The following TBX5 variants were observed in gnomAD, a reference collection of about 807,000 sequenced individuals.
The protein encoded by TBX5 is T-box transcription factor TBX5.
Under a neutral mutation model 51.1 loss-of-function variants are expected in TBX5, and 8 were observed. That is an observed-to-expected ratio of 0.16 (90% confidence interval 0.09 to 0.28). The LOEUF is 0.28. Ranked by LOEUF, TBX5 falls within the 10% of genes least tolerant of loss-of-function variation. The pLI is 1.00. For synonymous variants in TBX5, 302 were observed against 266.4 expected (o/e 1.13, Z -1.30); for missense variants, 589 against 671.7 (o/e 0.88, Z 1.36).
At chr12:114,378,686 G>T (rs1439048739) in intron 7 of TBX5, among the ~76,000 whole-genome samples, 1 of 152,042 alleles carries the variant, frequency 6.6e-6, no homozygotes, top group Admixed American at 6.5e-5. Context: ...GCCCAGGCTG[G>T]AGTGCAGTGG....
intron 8 of TBX5, among the ~76,000 whole-genome samples, chr12:114,361,130 A>G (rs532413586): frequency 5.9e-5 from 9 of 152,208 alleles, no homozygotes; most frequent in Non-Finnish European, 1.2e-4. Flanking sequence ...TCTGCCAATC[A>G]TCAGCCACAT....
chr12:114,393,538 G>A (rs1429560491), intron 6 of TBX5, among the ~76,000 whole-genome samples: 1 of 152,104 alleles, frequency 6.6e-6, no homozygotes, highest in African/African-American at 2.4e-5. Flanking sequence ...ATGCACTCGG[G>A]TATCTAAGGA....
At position 114,405,900 on chromosome 12, in the gene TBX5, C is replaced by G. The variant is rs1203100358; in HGVS notation, c.-311G>C. ...GCGCCAAAGAACACAAAATAGCCTC[C>G]AAGAGCACCGGCAACCATATAATCT... On this transcript the variant is annotated 5_prime_UTR_variant, in exon 1 of 9. Transcript: ENST00000405440. 1 of 985,484 alleles carries G rather than the reference C, an allele frequency of 1.0e-6. No individual in the cohort carries two copies. The highest frequency in any genetic ancestry group is 1.2e-6 in the Non-Finnish European group (1 of 830,070). 61.0% of individuals were successfully genotyped at this position (985,484 alleles called of 1,614,324 possible).
Position 114,396,145 on chromosome 12 carries a change from C to T in TBX5, c.511-1252G>A, listed in dbSNP as rs1871406305. ...GTGGAGGTAGTTGGGGGAGGCGAGC[C>T]GCGGCCGGGGGCGGGGGAGGGACGA... is the stretch of plus-strand genomic sequence containing the variant. On this transcript the variant is annotated intron_variant, in intron 5 of 8. Transcript: ENST00000405440. Among the ~76,000 whole-genome samples the T allele has an allele frequency of 2.0e-5, 3 of 151,768 alleles. No individual in the cohort carries two copies. In the South Asian group the frequency reaches 6.3e-4, roughly 32 times the overall value.
rs1320507512 is a variant in TBX5 at position 114,399,504 on chromosome 12, A to G, written c.362+9T>C. The stretch of plus-strand genomic sequence containing the variant: ...CTCTCCCCGCTCCACCTGCCACCCC[A>G]GTGCCTACCATTTATTATCTGCGAA... On this transcript the variant is annotated intron_variant, in intron 4 of 8. Coordinates refer to ENST00000405440, the MANE Select transcript of TBX5 (RefSeq NM_181486.4). 9.3e-6 allele frequency: 15 copies of G among 1,613,820 alleles called. No individual in the cohort carries two copies. The highest frequency in any genetic ancestry group is 1.3e-5 in the African/African-American group (1 of 74,960).
upstream of TBX5, chr12:114,408,272 C>G: frequency 1.1e-6 from 1 of 943,016 alleles, no homozygotes; most frequent in Non-Finnish European, 1.3e-6. Flanking sequence ...CCGGCTTTCT[C>G]CGGAGGAATG....
chr12:114,370,741 CT>C (rs34872296), intron 7 of TBX5, among the ~76,000 whole-genome samples: 105,052 of 151,330 alleles, frequency 0.69, 36,869 homozygotes, highest in East Asian at 0.78. Flanking sequence ...CTCATTTAAC[CT>C]TTTTTTTTCC....
intron 8 of TBX5, among the ~76,000 whole-genome samples, chr12:114,356,998 GGATGGAT>G (rs1868956913): frequency 1.3e-5 from 1 of 77,722 alleles, no homozygotes; most frequent in Non-Finnish European, 3.4e-5. Context: ...TACGATGGAT[GGATGGAT>G]GGATGGATGG....
chr12:114,382,319 A>G (rs1320490747), intron 7 of TBX5, among the ~76,000 whole-genome samples: 1 of 152,138 alleles, frequency 6.6e-6, no homozygotes, highest in Non-Finnish European at 1.5e-5. Context: ...GTCTCAATCA[A>G]TCAATCAATC....
In TBX5 at chr12:114,398,651, G is replaced by A. The variant is rs146038442; in HGVS notation, c.432C>T (p.Thr144=). 10 of 1,613,208 alleles carry A rather than the reference G, an allele frequency of 6.2e-6. No homozygotes were observed. The South Asian group carries it at 8.8e-5, about 14-fold the overall frequency. ...CGAGCTGCCTCATCCAATGCGCCCC[G>A]GTGGCGGGGGAGTCTGGGTGCACGT... ...RLYVHPDSPA[T]GAHWMRQLVS... is the part of the protein sequence containing the mutation. Residue 144 remains threonine (T), a synonymous_variant, in exon 5 of 9, where the codon ACC becomes ACT. Coordinates refer to ENST00000405440, the MANE Select transcript of TBX5 (RefSeq NM_181486.4).
At chr12:114,363,436 C>T (rs190049737) in intron 8 of TBX5, among the ~76,000 whole-genome samples, 1 of 152,322 alleles carries the variant, frequency 6.6e-6, no homozygotes, top group Admixed American at 6.5e-5. Flanking sequence ...AAGGATGCTG[C>T]TGTAAATATT....
At chr12:114,359,065 C>T (rs1384385220) in intron 8 of TBX5, among the ~76,000 whole-genome samples, 1 of 152,144 alleles carries the variant, frequency 6.6e-6, no homozygotes, top group Non-Finnish European at 1.5e-5. Context: ...AGTTTCTGAT[C>T]CCCTTCCAGA....
intron 7 of TBX5, among the ~76,000 whole-genome samples, chr12:114,371,664 TG>T (rs34942639): frequency 0.13 from 18,819 of 149,572 alleles, 1,374 homozygotes; most frequent in East Asian, 0.35. Context: ...AGCAGTGCAC[TG>T]GGGCAAGGCG....
At chr12:114,384,535 C>T (rs1204031986) in intron 7 of TBX5, among the ~76,000 whole-genome samples, 1 of 152,102 alleles carries the variant, frequency 6.6e-6, no homozygotes, top group Non-Finnish European at 1.5e-5. Context: ...AATATTAAAA[C>T]CACAGATTTA....
chr12:114,377,839 G>A (rs925491414), intron 7 of TBX5, among the ~76,000 whole-genome samples: 1 of 151,924 alleles, frequency 6.6e-6, no homozygotes, highest in Non-Finnish European at 1.5e-5. Flanking sequence ...AAGGTAGAGA[G>A]GGTAAAAATA....
chr12:114,359,213 T>C (rs1023933358), intron 8 of TBX5, among the ~76,000 whole-genome samples: 5 of 152,194 alleles, frequency 3.3e-5, no homozygotes, highest in African/African-American at 4.8e-5. Context: ...TCTTGGCTTA[T>C]TGATGAAAGC....
upstream of TBX5, chr12:114,407,925 G>T (rs1293734752): frequency 1.0e-6 from 1 of 985,290 alleles, no homozygotes; most frequent in Non-Finnish European, 1.2e-6. Context: ...ACCTCTTTAG[G>T]CCAGGTCTTC....
intron 6 of TBX5, among the ~76,000 whole-genome samples, chr12:114,386,623 T>C (rs1372623063): frequency 6.6e-6 from 1 of 152,222 alleles, no homozygotes; most frequent in Admixed American, 6.5e-5. Context: ...CAAACTAGAA[T>C]CACTTGCTAC....
Position 114,385,467 on chromosome 12 carries a change from C to T in TBX5, c.755+9G>A, listed in dbSNP as rs1418669056. 6 of 1,613,828 alleles carry T rather than the reference C, an allele frequency of 3.7e-6. No homozygotes were observed. Among genetic ancestry groups the T allele is most frequent in the Non-Finnish European group, 4.2e-6 (5 of 1,179,864 alleles). ...GGGGAGGAGAAAGTTGAGGAATCCA[C>T]TTTCCTACCTTTGCATTCTTGACAT... On this transcript the variant is annotated intron_variant, in intron 7 of 8. Coordinates refer to ENST00000405440, the MANE Select transcript of TBX5 (RefSeq NM_181486.4).
Sources: gnomAD v4.1 joint callset for allele counts (sites outside exome capture counted in the v4.1 genomes callset) on GRCh38, gnomAD v4.1.1 for gene constraint, MANE v1.5 for transcripts, NCBI Gene and HGNC (gene_info 2026-07-23, HGNC 2026-07-21) for gene names.